RBFOX1: variants seen among roughly 807,000 people sequenced by gnomAD.
RBFOX1 encodes the protein RNA binding fox-1 homolog 1, also known as RNA binding protein fox-1 homolog 1.
A neutral mutation model predicts 57.7 loss-of-function variants in RBFOX1; 8 were observed. That is an observed-to-expected ratio of 0.14 (90% CI 0.08 to 0.25). The LOEUF (loss-of-function observed/expected upper bound fraction) is 0.25. Among genes scored for constraint, RBFOX1 ranks in the 10% least tolerant of loss-of-function variants. The probability of loss-of-function intolerance (pLI) is 1.00; values close to 1 mark genes in which losing one functional copy is unlikely to be tolerated. For synonymous variants in RBFOX1, 326 were observed against 222.4 expected, an observed-to-expected ratio of 1.47 and a Z score of -4.15; for missense variants, 611 against 548.5, an observed-to-expected ratio of 1.11 and a Z score of -1.14.
At chr16:6,834,293 C>T (rs1205747578) in intron 3 of RBFOX1, among the ~76,000 whole-genome samples, 1 of 151,978 alleles carries the variant, frequency 6.6e-6, no homozygotes, top group Non-Finnish European at 1.5e-5. Context: ...CCAGGCTGGT[C>T]TCAAACTCCC....
chr16:7,485,403 T>A (rs2065119450), intron 4 of RBFOX1, among the ~76,000 whole-genome samples: 2 of 152,246 alleles, frequency 1.3e-5, no homozygotes, highest in Admixed American at 6.5e-5. Flanking sequence ...TATTTTCTCC[T>A]TGTTGAATTA....
At chr16:6,733,719 C>G (rs1382183791) in intron 3 of RBFOX1, among the ~76,000 whole-genome samples, 1 of 152,064 alleles carries the variant, frequency 6.6e-6, no homozygotes, top group Non-Finnish European at 1.5e-5. Flanking sequence ...GATCACACCA[C>G]TGCACTCCAG....
intron 3 of RBFOX1, chr16:6,704,133 T>C (rs1008268318): frequency 2.0e-5 from 3 of 152,216 alleles, no homozygotes; most frequent in African/African-American, 7.2e-5. Context: ...TTCACCTTCC[T>C]CCTAGCCCCA....
chr16:5,802,354 A>C (rs2055085382), intron 3 of RBFOX1, among the ~76,000 whole-genome samples: 1 of 152,142 alleles, frequency 6.6e-6, no homozygotes, highest in Non-Finnish European at 1.5e-5. Flanking sequence ...CTGGAAGCCA[A>C]GATGCGTGTG....
chr16:7,285,217 C>T (rs182182464), intron 4 of RBFOX1, among the ~76,000 whole-genome samples: 6 of 150,882 alleles, frequency 4.0e-5, no homozygotes, highest in African/African-American at 1.2e-4. Flanking sequence ...GATTCACATG[C>T]AGCTGTAAGG....
At chr16:6,688,350 C>G (rs776597723) in intron 3 of RBFOX1, among the ~76,000 whole-genome samples, 2 of 152,138 alleles carry the variant, frequency 1.3e-5, no homozygotes, top group African/African-American at 2.4e-5. Context: ...CCCCATGATT[C>G]AATCACCTCT....
chr16:7,524,069 G>A (rs1397720036), intron 5 of RBFOX1, among the ~76,000 whole-genome samples: 3 of 152,156 alleles, frequency 2.0e-5, no homozygotes, highest in Non-Finnish European at 4.4e-5. Flanking sequence ...GCTGTACCTG[G>A]AATAGCTCTA....
intron 3 of RBFOX1, among the ~76,000 whole-genome samples, chr16:6,701,212 G>C (rs2061799534): frequency 1.3e-5 from 2 of 152,026 alleles, no homozygotes; most frequent in Admixed American, 1.3e-4. Flanking sequence ...TCAGTCATTG[G>C]ATGCAAGTTG....
At chr16:6,819,299 G>C (rs1044256104) in intron 3 of RBFOX1, among the ~76,000 whole-genome samples, 1 of 152,116 alleles carries the variant, frequency 6.6e-6, no homozygotes, top group Non-Finnish European at 1.5e-5. Flanking sequence ...GTACATAGCA[G>C]GTGCTCACTT....
chr16:6,019,411 G>A lies in RBFOX1; in HGVS notation c.-708G>A. ...TTCTCCAAGCAGCGCGGAGGGTGGC[G>A]GACGGCGGACGGAGCCCAGGGGCCG... On this transcript the variant is annotated 5_prime_UTR_variant, in exon 1 of 16. Coordinates refer to ENST00000550418, the MANE Select transcript of RBFOX1 (RefSeq NM_018723.4). This position sits in a 1 kb window ranked among gnomAD's most constrained non-coding sequence, Gnocchi z 4.2. The A allele has an allele frequency of 1.0e-6, 1 of 986,706 alleles. No homozygotes were observed. Among genetic ancestry groups the A allele is most frequent in the Non-Finnish European group, 1.2e-6 (1 of 830,980 alleles). 61.1% of individuals were successfully genotyped at this position (986,706 alleles called of 1,614,324 possible). A position where few individuals can be genotyped will look rare whatever the true frequency, so the allele number is the denominator to read the frequency against.
intron 4 of RBFOX1, among the ~76,000 whole-genome samples, chr16:7,085,042 G>A (rs1040982184): frequency 2.6e-5 from 4 of 152,118 alleles, no homozygotes; most frequent in African/African-American, 9.7e-5. Context: ...TGGAAATACT[G>A]AAGATAAAGT....
chr16:6,301,834 T>C (rs909372252), intron 1 of RBFOX1, among the ~76,000 whole-genome samples: 8 of 152,196 alleles, frequency 5.3e-5, no homozygotes, highest in African/African-American at 1.9e-4. Flanking sequence ...CAGAATTATA[T>C]GCAAGCATTT....
chr16:7,579,821 A>G lies in RBFOX1; in HGVS notation c.315A>G (p.Gln105=), dbSNP rs1567933936. The part of the protein sequence containing the change: ...AAPTDGQPQT[Q]PSENTENKSQ... The stretch of plus-strand genomic sequence containing the variant: ...CGACGGATGGCCAGCCCCAGACACA[A>G]CCTTCTGAAAACACGGAAAACAAGT... The change falls in exon 6 of 16, where the codon CAA becomes CAG. Residue 105 remains glutamine (Q), a synonymous_variant. Transcript: ENST00000550418. The G allele has an allele frequency of 1.2e-6, 2 of 1,613,986 alleles. No individual in the cohort carries two copies. Among genetic ancestry groups the G allele is most frequent in the Non-Finnish European group, 1.7e-6 (2 of 1,179,958 alleles).
chr16:6,943,988 G>T (rs566004144), intron 3 of RBFOX1, among the ~76,000 whole-genome samples: 23 of 152,098 alleles, frequency 1.5e-4, no homozygotes, highest in Admixed American at 1.3e-3. Context: ...CTCACGAACT[G>T]TTCATTGCTC....
chr16:6,487,522 A>T (rs546359501), intron 2 of RBFOX1, among the ~76,000 whole-genome samples: 67 of 151,602 alleles, frequency 4.4e-4, no homozygotes, highest in African/African-American at 1.5e-3. Context: ...TTTAAAAGAA[A>T]AGAGCTGTGG....
chr16:5,924,304 A>G (rs981735055), intron 4 of RBFOX1, among the ~76,000 whole-genome samples: 7 of 152,138 alleles, frequency 4.6e-5, no homozygotes, highest in Non-Finnish European at 8.8e-5. Context: ...TACTGCTATA[A>G]TTTGGATGTT....
chr16:6,637,944 G>A (rs1449412570), intron 2 of RBFOX1, among the ~76,000 whole-genome samples: 1 of 152,044 alleles, frequency 6.6e-6, no homozygotes, highest in African/African-American at 2.4e-5. Flanking sequence ...AAGTCTCTGT[G>A]CTTCAGTATA....
intron 4 of RBFOX1, among the ~76,000 whole-genome samples, chr16:7,196,546 A>C (rs1329718919): frequency 6.6e-6 from 1 of 152,196 alleles, no homozygotes; most frequent in East Asian, 1.9e-4. Flanking sequence ...TAAATGCACA[A>C]ACCCACTTCA....
chr16:7,427,299 C>G (rs1390567677), intron 4 of RBFOX1, among the ~76,000 whole-genome samples: 4 of 152,278 alleles, frequency 2.6e-5, no homozygotes, highest in South Asian at 2.1e-4. Flanking sequence ...CCTCGAGTTT[C>G]TGATTCTGTA....
Sources: gnomAD v4.1 joint callset for allele counts (sites outside exome capture counted in the v4.1 genomes callset) on GRCh38, gnomAD v4.1.1 for gene constraint, Gnocchi (gnomAD v3.1) non-coding constraint, MANE v1.5 for transcripts, NCBI Gene and HGNC (gene_info 2026-07-23, HGNC 2026-07-21) for gene names.